CYCS: variants seen among roughly 807,000 people sequenced by gnomAD.
CYCS encodes the protein cytochrome c, somatic, also known as cytochrome c.
For synonymous variants in CYCS, 41 were observed against 43.0 expected (o/e 0.95, Z 0.18); for missense variants, 87 against 125.3 (o/e 0.69, Z 1.46).
In CYCS at chr7:25,121,751, T is replaced by G. The variant is rs1200408410; in HGVS notation, c.*1950A>C. 1 of 152,046 alleles carries G rather than the reference T, an allele frequency of 6.6e-6. No individual in the cohort carries two copies. The highest frequency in any genetic ancestry group is 2.4e-5 in the African/African-American group (1 of 41,372). 9.4% of individuals were successfully genotyped at this position (152,046 alleles called of 1,614,324 possible). On this transcript the variant is annotated 3_prime_UTR_variant, in exon 3 of 3. Transcript: ENST00000305786. ...AGTTTGAGACCAGCCTGGGACCACA[T>G]GGCAAAACTCCATCTCTACAAAAAA...
Position 25,119,432 on chromosome 7 carries a change from C to G in CYCS, c.*4269G>C, listed in dbSNP as rs527928807. Among the ~76,000 whole-genome samples, 1 of 152,020 alleles carries G rather than the reference C, an allele frequency of 6.6e-6. No homozygotes were observed. Among genetic ancestry groups the G allele is most frequent in the Non-Finnish European group, 1.5e-5 (1 of 68,018 alleles). ...GCTGCAATTACAGGTGCCGCCACCA[C>G]GCCCAGCTAGTTTTTATATTTTTGG... On this transcript the variant is annotated 3_prime_UTR_variant, in exon 3 of 3. Coordinates refer to ENST00000305786, the MANE Select transcript of CYCS (RefSeq NM_018947.6).
At position 25,123,800 on chromosome 7, in the gene CYCS, C is replaced by T; in HGVS notation, c.219G>A (p.Lys73=). 1 of 1,613,670 alleles carries T rather than the reference C, an allele frequency of 6.2e-7. No homozygotes were observed. The highest frequency in any genetic ancestry group is 8.5e-7 in the Non-Finnish European group (1 of 1,180,014). The change falls in exon 3 of 3, where the codon AAG becomes AAA. Residue 73 remains lysine, a synonymous_variant. Transcript: ENST00000305786. ...DTLMEYLENP[K]KYIPGTKMIF... is the part of the protein sequence containing the mutation. ...TCATTTTTGTTCCAGGGATGTACTT[C>T]TTGGGATTCTCCAAATACTCCATCA...
Position 25,123,621 on chromosome 7 carries a change from T to C in CYCS, c.*80A>G, listed in dbSNP as rs1783395608. ...CATTCATGATCTGAATTCTGGTGTA[T>C]GAGATCTATTAAAGGATGGTACACA... On this transcript the variant is annotated 3_prime_UTR_variant, in exon 3 of 3. Coordinates refer to ENST00000305786, the MANE Select transcript of CYCS (RefSeq NM_018947.6). 5.1e-6 allele frequency: 6 copies of C among 1,182,332 alleles called. No homozygotes were observed. The East Asian group carries it at 7.1e-5, about 14-fold the overall frequency. The allele number at this position is 1,182,332 out of a possible 1,614,324, so 73.2% of individuals were successfully genotyped here. A position where few individuals can be genotyped will look rare whatever the true frequency, so the allele number is the denominator to read the frequency against.
rs1783346968 is a variant in CYCS, at chr7:25,120,721, C to G, written c.*2980G>C. 1 of 152,276 alleles carries G rather than the reference C, an allele frequency of 6.6e-6. No individual in the cohort carries two copies. Among genetic ancestry groups the G allele is most frequent in the Admixed American group, 6.5e-5 (1 of 15,290 alleles). The allele number at this position is 152,276 out of a possible 1,614,324, so 9.4% of individuals were successfully genotyped here. A position where few individuals can be genotyped will look rare whatever the true frequency, so the allele number is the denominator to read the frequency against. Reference sequence around the variant, plus strand: ...GTTTTTGATTCTACCAACCTAGCCACTTACAGCGAAGCACTAGAAATGAAA... The same window carrying G: ...GTTTTTGATTCTACCAACCTAGCCAGTTACAGCGAAGCACTAGAAATGAAA... On this transcript the variant is annotated 3_prime_UTR_variant, in exon 3 of 3. Transcript: ENST00000305786.
At position 25,122,096 on chromosome 7, in the gene CYCS, G is replaced by C. The variant is rs910557095; in HGVS notation, c.*1605C>G. 2 of 150,922 alleles carry C rather than the reference G, an allele frequency of 1.3e-5. No individual in the cohort carries two copies. The highest frequency in any genetic ancestry group is 4.9e-5 in the African/African-American group (2 of 40,976). The allele number at this position is 150,922 out of a possible 1,614,324, so 9.3% of individuals were successfully genotyped here. A position where few individuals can be genotyped will look rare whatever the true frequency, so the allele number is the denominator to read the frequency against. On this transcript the variant is annotated 3_prime_UTR_variant, in exon 3 of 3. Coordinates refer to ENST00000305786, the MANE Select transcript of CYCS (RefSeq NM_018947.6). ...TTAGTCCAGAATTGTCCCCTTGTAAGCTACTTGCTACACTGTCCCTGAATA... is the reference window on the plus strand; with the variant it reads ...TTAGTCCAGAATTGTCCCCTTGTAACCTACTTGCTACACTGTCCCTGAATA...
intron 1 of CYCS, chr7:25,124,884 G>A (rs556013342): frequency 2.4e-4 from 37 of 152,432 alleles, no homozygotes; most frequent in African/African-American, 8.7e-4. Flanking sequence ...GGCTTTCCAG[G>A]AGGGAAGTCT....
Position 25,119,038 on chromosome 7 carries a change from T to TAACC in CYCS, c.*4662_*4663insGGTT, listed in dbSNP as rs1783317803. ...AGGATATGAACACCAGGACAATGGT[T>TAACC]ATTCTGAGGCACAGAAAATACAGCC... On this transcript the variant is annotated 3_prime_UTR_variant, in exon 3 of 3. Transcript: ENST00000305786. Among the ~76,000 whole-genome samples, 1 of 152,210 alleles carries TAACC rather than the reference T, an allele frequency of 6.6e-6. No individual in the cohort carries two copies. Among genetic ancestry groups the TAACC allele is most frequent in the African/African-American group, 2.4e-5 (1 of 41,442 alleles).
At position 25,119,667 on chromosome 7, in the gene CYCS, G is replaced by C. The variant is rs1481156990; in HGVS notation, c.*4034C>G. Reference sequence around the variant, plus strand: ...ACAATCACAGCTACACTGCAGCCTCGAACTTCTGGGCACAAGCAGTCCTCC... The same window carrying C: ...ACAATCACAGCTACACTGCAGCCTCCAACTTCTGGGCACAAGCAGTCCTCC... On this transcript the variant is annotated 3_prime_UTR_variant, in exon 3 of 3. Transcript: ENST00000305786. Among the ~76,000 whole-genome samples the C allele has an allele frequency of 1.3e-5, 2 of 151,846 alleles. No individual in the cohort carries two copies. Among genetic ancestry groups the C allele is most frequent in the South Asian group, 2.1e-4 (1 of 4,816 alleles).
chr7:25,121,510 C>T lies in CYCS; in HGVS notation c.*2191G>A, dbSNP rs1783362657. ...GTGAGATTGCACCACTGTACTCAGC[C>T]TGGGCGAAAAGGGCGAAACTCCGTC... is the stretch of plus-strand genomic sequence containing the variant. On this transcript the variant is annotated 3_prime_UTR_variant, in exon 3 of 3. Coordinates refer to ENST00000305786, the MANE Select transcript of CYCS (RefSeq NM_018947.6). 1 of 151,904 alleles carries T rather than the reference C, an allele frequency of 6.6e-6. No individual in the cohort carries two copies. The highest frequency in any genetic ancestry group is 2.4e-5 in the African/African-American group (1 of 41,324). The allele number at this position is 151,904 out of a possible 1,614,324, so 9.4% of individuals were successfully genotyped here.
In CYCS at chr7:25,119,592, A is replaced by T. The variant is rs56227653; in HGVS notation, c.*4109T>A. ...CACCCAGACCACTTTTTTTTTTTTT[A>T]AAAGAGATGGAGTTTCCTTTATCTG... On this transcript the variant is annotated 3_prime_UTR_variant, in exon 3 of 3. Coordinates refer to ENST00000305786, the MANE Select transcript of CYCS (RefSeq NM_018947.6). Among the ~76,000 whole-genome samples the T allele has an allele frequency of 0.41, 60,335 of 146,554 alleles. 13,634 individuals carry two copies. The highest frequency in any genetic ancestry group is 0.64 in the African/African-American group (25,602 of 40,308).
Position 25,123,699 on chromosome 7 carries a change from T to C in CYCS, c.*2A>G. Reference sequence around the variant, plus strand: ...TGTAATAAATAAGGCAGTGGCCAATTATTACTCATTAGTAGCTTTTTTGAG... The same window carrying C: ...TGTAATAAATAAGGCAGTGGCCAATCATTACTCATTAGTAGCTTTTTTGAG... On this transcript the variant is annotated 3_prime_UTR_variant, in exon 3 of 3. Coordinates refer to ENST00000305786, the MANE Select transcript of CYCS (RefSeq NM_018947.6). 6.3e-7 allele frequency: 1 copy of C among 1,599,284 alleles called. No individual in the cohort carries two copies. Among genetic ancestry groups the C allele is most frequent in the Non-Finnish European group, 8.5e-7 (1 of 1,179,672 alleles).
rs1783398195 is a variant in CYCS, at chr7:25,123,772, A to G, written c.247T>C (p.Phe83Leu). ...TCTTCCTTCTTCTTAATGCCGACAA[A>G]GATCATTTTTGTTCCAGGGATGTAC... is the stretch of plus-strand genomic sequence containing the variant. ...KKYIPGTKMI[F>L]VGIKKKEERA... is the part of the protein sequence containing the mutation. The change falls in exon 3 of 3, where the codon TTT (phenylalanine) becomes CTT (leucine). Residue 83 changes from phenylalanine (F) to leucine (L), a missense_variant. Phe to Leu is a conservative substitution (Grantham distance 22). Coordinates refer to ENST00000305786, the MANE Select transcript of CYCS (RefSeq NM_018947.6). 1 of 1,612,036 alleles carries G rather than the reference A, an allele frequency of 6.2e-7. No homozygotes were observed.
At chr7:25,124,571 A>C (rs575440997) in intron 1 of CYCS, 1 of 240,274 alleles carries the variant, frequency 4.2e-6, no homozygotes, top group African/African-American at 2.3e-5. Context: ...AAATGTTTAA[A>C]AAGCGGTCCT....
Position 25,121,867 on chromosome 7 carries a change from C to G in CYCS, c.*1834G>C, listed in dbSNP as rs1448094152. 6.6e-6 allele frequency: 1 copy of G among 152,208 alleles called. No homozygotes were observed. Among genetic ancestry groups the G allele is most frequent in the Non-Finnish European group, 1.5e-5 (1 of 68,060 alleles). The allele number at this position is 152,208 out of a possible 1,614,324, so 9.4% of individuals were successfully genotyped here. A position where few individuals can be genotyped will look rare whatever the true frequency, so the allele number is the denominator to read the frequency against. ...GCTTGAGCCTGGGAAATAGAGGTTG[C>G]AGCCAGCCGAGATCGCACCACTGCA... is the stretch of plus-strand genomic sequence containing the variant. On this transcript the variant is annotated 3_prime_UTR_variant, in exon 3 of 3. Coordinates refer to ENST00000305786, the MANE Select transcript of CYCS (RefSeq NM_018947.6).
chr7:25,123,798 T>C lies in CYCS; in HGVS notation c.221A>G (p.Lys74Arg). Residue 74 changes from lysine to arginine, a missense_variant, in exon 3 of 3, where the codon AAG becomes AGG. Coordinates refer to ENST00000305786, the MANE Select transcript of CYCS (RefSeq NM_018947.6). ...GATCATTTTTGTTCCAGGGATGTACTTCTTGGGATTCTCCAAATACTCCAT... is the reference window on the plus strand; with the variant it reads ...GATCATTTTTGTTCCAGGGATGTACCTCTTGGGATTCTCCAAATACTCCAT... ...TLMEYLENPK[K>R]YIPGTKMIFV... 6.2e-7 allele frequency: 1 copy of C among 1,613,734 alleles called. No individual in the cohort carries two copies. The highest frequency in any genetic ancestry group is 1.1e-5 in the South Asian group (1 of 91,084).
Position 25,119,875 on chromosome 7 carries a change from G to A in CYCS, c.*3826C>T, listed in dbSNP as rs549458484. ...CCTTTATAATTTACAGCAATCTTCA[G>A]TGGTTAAAGCAAAACTGTACATCTA... On this transcript the variant is annotated 3_prime_UTR_variant, in exon 3 of 3. Transcript: ENST00000305786. Among the ~76,000 whole-genome samples, 14 of 152,284 alleles carry A rather than the reference G, an allele frequency of 9.2e-5. No homozygotes were observed. The highest frequency in any genetic ancestry group is 2.1e-4 in the South Asian group (1 of 4,828).
rs148261698 is a variant in CYCS, at chr7:25,124,362, T to C, written c.-8-235A>G. Among the ~76,000 whole-genome samples the C allele has an allele frequency of 4.1e-4, 62 of 152,202 alleles. No individual in the cohort carries two copies. In the East Asian group the frequency reaches 0.011, roughly 27 times the overall value. Reference sequence around the variant, plus strand: ...TTTGTGTGTATACGTGAAGGAACGTTAAAGCCCAAGCAAAGAGGGAACCTA... The same window carrying C: ...TTTGTGTGTATACGTGAAGGAACGTCAAAGCCCAAGCAAAGAGGGAACCTA... On this transcript the variant is annotated intron_variant, in intron 1 of 2. Coordinates refer to ENST00000305786, the MANE Select transcript of CYCS (RefSeq NM_018947.6).
chr7:25,123,740 T>C lies in CYCS; in HGVS notation c.279A>G (p.Ala93=), dbSNP rs1183751264. The C allele has an allele frequency of 3.7e-6, 6 of 1,606,136 alleles. No homozygotes were observed. Among genetic ancestry groups the C allele is most frequent in the Non-Finnish European group, 5.1e-6 (6 of 1,179,974 alleles). ...FVGIKKKEER[A]DLIAYLKKAT... ...CTTTTTTGAGATAAGCTATTAAGTCTGCCCTTTCTTCCTTCTTCTTAATGC... is the reference window on the plus strand; with the variant it reads ...CTTTTTTGAGATAAGCTATTAAGTCCGCCCTTTCTTCCTTCTTCTTAATGC... The change falls in exon 3 of 3, where the codon GCA becomes GCG. Residue 93 remains alanine (A), a synonymous_variant. Transcript: ENST00000305786.
Position 25,122,741 on chromosome 7 carries a change from G to A in CYCS, c.*960C>T, listed in dbSNP as rs1263305724. ...TAACACTGCTGCACTGACATTTAGG[G>A]CTGCTGCACTGACATTTAGGGCTCC... On this transcript the variant is annotated 3_prime_UTR_variant, in exon 3 of 3. Coordinates refer to ENST00000305786, the MANE Select transcript of CYCS (RefSeq NM_018947.6). The A allele has an allele frequency of 6.6e-6, 1 of 151,732 alleles. No homozygotes were observed. The highest frequency in any genetic ancestry group is 1.5e-5 in the Non-Finnish European group (1 of 67,930). The allele number at this position is 151,732 out of a possible 1,614,324, so 9.4% of individuals were successfully genotyped here. A position where few individuals can be genotyped will look rare whatever the true frequency, so the allele number is the denominator to read the frequency against.
Sources: allele counts gnomAD v4.1 joint callset (sites outside exome capture counted in the v4.1 genomes callset), GRCh38; gene constraint gnomAD v4.1.1; transcripts MANE v1.5; gene names NCBI Gene and HGNC (gene_info 2026-07-23, HGNC 2026-07-21).